Variants in HYCC1 observed in about 807,000 individuals in gnomAD.
The protein encoded by HYCC1 is hyccin.
At chr7:22,968,811 C>T in the HYCC1 span, among the ~76,000 whole-genome samples, 1 of 152,044 alleles carries the variant, frequency 6.6e-6, no homozygotes, top group Non-Finnish European at 1.5e-5. Context: ...CATGGTGAAA[C>T]CCCATTTCTA....
chr7:22,989,779 T>C, the HYCC1 span, among the ~76,000 whole-genome samples: 13 of 152,172 alleles, frequency 8.5e-5, no homozygotes, highest in Admixed American at 2.0e-4. Flanking sequence ...AGTAAAAGTC[T>C]GCCCAGCTAT....
the HYCC1 span, chr7:22,976,412 A>G: frequency 2.2e-5 from 18 of 801,664 alleles, no homozygotes; most frequent in Non-Finnish European, 1.5e-5. Flanking sequence ...TACAGAACAG[A>G]CCTGCACAGT....
chr7:22,924,482 C>A, the HYCC1 span, among the ~76,000 whole-genome samples: 4 of 152,216 alleles, frequency 2.6e-5, no homozygotes, highest in Non-Finnish European at 5.9e-5. Context: ...TCACTCCCAC[C>A]CTAATACTGT....
chr7:22,917,962 C>A, the HYCC1 span, among the ~76,000 whole-genome samples: 1 of 152,172 alleles, frequency 6.6e-6, no homozygotes, highest in Non-Finnish European at 1.5e-5. Flanking sequence ...ATTTCTAATC[C>A]TTCTTTAACA....
chr7:22,999,012 CTCT>C, the HYCC1 span, among the ~76,000 whole-genome samples: 2 of 152,118 alleles, frequency 1.3e-5, no homozygotes, highest in African/African-American at 4.8e-5. Context: ...AAACTTGGGG[CTCT>C]TATTAATGAA....
chr7:22,911,495 C>A, the HYCC1 span, among the ~76,000 whole-genome samples: 11 of 152,290 alleles, frequency 7.2e-5, no homozygotes, highest in Admixed American at 6.5e-4. Context: ...CGCAGTGGCT[C>A]ACGCCTGTAA....
chr7:22,945,442 T>G, the HYCC1 span: 1 of 669,796 alleles, frequency 1.5e-6, no homozygotes, highest in South Asian at 1.7e-5. Flanking sequence ...TAGACAATCT[T>G]CCCTTCATAA....
the HYCC1 span, among the ~76,000 whole-genome samples, chr7:22,987,089 T>A: frequency 2.0e-5 from 3 of 152,136 alleles, no homozygotes; most frequent in Non-Finnish European, 4.4e-5. Context: ...TTTAAAAAAA[T>A]CAGGAGTCTG....
chr7:23,014,122 A>G, the HYCC1 span: 1 of 468,386 alleles, frequency 2.1e-6, no homozygotes, highest in African/African-American at 2.0e-5. Context: ...CACTGCCGCC[A>G]GCCTCTCTGA....
chr7:23,007,489 C>A, the HYCC1 span, among the ~76,000 whole-genome samples: 1 of 152,064 alleles, frequency 6.6e-6, no homozygotes, highest in Non-Finnish European at 1.5e-5. Flanking sequence ...ATATTAAGAT[C>A]TTTATAATTG....
At chr7:22,943,469 C>T in the HYCC1 span, 6 of 152,132 alleles carry the variant, frequency 3.9e-5, no homozygotes, top group East Asian at 5.8e-4. Context: ...GCCAATCCTA[C>T]TTACTGGTCC....
the HYCC1 span, chr7:22,945,718 A>G: frequency 1.5e-5 from 24 of 1,613,680 alleles, no homozygotes; most frequent in Admixed American, 3.3e-5. Flanking sequence ...CGGAAAACCT[A>G]TTGGCATCTG....
chr7:22,931,256 A>G, the HYCC1 span, among the ~76,000 whole-genome samples: 12 of 55,416 alleles, frequency 2.2e-4, no homozygotes, highest in South Asian at 8.4e-4. Flanking sequence ...AAAAAAAAAG[A>G]AAAAAAAAAA....
At chr7:22,929,438 C>T in the HYCC1 span, among the ~76,000 whole-genome samples, 25 of 152,236 alleles carry the variant, frequency 1.6e-4, no homozygotes, top group Admixed American at 1.4e-3. Context: ...TTGCAACCTA[C>T]TCAATCTGAC....
chr7:22,983,697 G>T, the HYCC1 span: 1 of 447,832 alleles, frequency 2.2e-6, no homozygotes. Flanking sequence ...AAAATGAAAT[G>T]CAGTGACATA....
chr7:22,962,911 G>A, the HYCC1 span, among the ~76,000 whole-genome samples: 38 of 152,000 alleles, frequency 2.5e-4, no homozygotes, highest in Non-Finnish European at 4.6e-4. Flanking sequence ...AGCTGAGGAC[G>A]AAGCAGGAGT....
chr7:22,983,328 CAAA>C, the HYCC1 span, among the ~76,000 whole-genome samples: 3 of 111,148 alleles, frequency 2.7e-5, no homozygotes, highest in Admixed American at 8.9e-5. Context: ...GACCCTGTCT[CAAA>C]AAAAAAAAAA....
At chr7:22,982,514 G>T in the HYCC1 span, among the ~76,000 whole-genome samples, 3 of 152,140 alleles carry the variant, frequency 2.0e-5, no homozygotes, top group African/African-American at 4.8e-5. Context: ...ATATTGGACT[G>T]GACTCCAGGA....
the HYCC1 span, among the ~76,000 whole-genome samples, chr7:22,908,731 A>G: frequency 6.6e-6 from 1 of 152,186 alleles, no homozygotes; most frequent in Non-Finnish European, 1.5e-5. Flanking sequence ...TCAGCTCCTA[A>G]AAGGTCATCT....
Sources: gnomAD v4.1 joint callset for allele counts (sites outside exome capture counted in the v4.1 genomes callset) on GRCh38, gnomAD v4.1.1 for gene constraint, MANE v1.5 for transcripts, NCBI Gene and HGNC (gene_info 2026-07-23, HGNC 2026-07-21) for gene names.